The following MAMDC4 variants were observed in gnomAD, a reference collection of about 807,000 sequenced individuals.
MAMDC4 encodes the protein MAM domain containing 4.
MAMDC4 carries 168 observed loss-of-function variants against 153.3 expected under a neutral mutation model. The ratio of observed to expected loss-of-function variants is 1.10; its 90% confidence interval spans 0.97 to 1.25. MAMDC4 has a LOEUF of 1.25. MAMDC4 is among the 50% of genes most tolerant of loss of function. The pLI is 0.00. For synonymous variants in MAMDC4, 744 were observed against 651.5 expected, an observed-to-expected ratio of 1.14 and a Z score of -2.16; for missense variants, 1,701 against 1,542.8, an observed-to-expected ratio of 1.10 and a Z score of -1.72.
chr9:136,856,178 C>G, intron 14 of MAMDC4, 29 bp downstream of exon 14: 1 of 1,611,336 alleles, frequency 6.2e-7, no homozygotes, highest in Non-Finnish European at 8.5e-7. Flanking sequence ...AGTTCCCTGG[C>G]CAGCCCCTGG....
rs765596110 is a variant in MAMDC4 at position 136,853,343 on chromosome 9, C to A, written c.213C>A (p.Asp71Glu). Residue 71 changes from aspartate to glutamate, a missense_variant, in exon 3 of 27, where the codon GAC (aspartate) becomes GAA (glutamate). Physicochemically the swap from Asp to Glu is conservative, Grantham distance 45. Transcript: ENST00000317446. Reference protein sequence around the residue: ...GAPFACDFEQDPCGWRDISTS... With the variant: ...GAPFACDFEQEPCGWRDISTS... Reference sequence around the variant, plus strand: ...CCTTCGCCTGTGACTTCGAGCAGGACCCCTGCGGCTGGCGGGACATTAGTA... The same window carrying A: ...CCTTCGCCTGTGACTTCGAGCAGGAACCCTGCGGCTGGCGGGACATTAGTA... 5.1e-5 allele frequency: 82 copies of A among 1,607,030 alleles called. No homozygotes were observed. The Middle Eastern group carries it at 6.6e-4, about 13-fold the overall frequency.
At position 136,858,550 on chromosome 9, in the gene MAMDC4, C is replaced by A; in HGVS notation, c.2821+4C>A. The A allele has an allele frequency of 6.4e-7, 1 of 1,567,772 alleles. No individual in the cohort carries two copies. The highest frequency in any genetic ancestry group is 8.6e-7 in the Non-Finnish European group (1 of 1,157,698). The stretch of plus-strand genomic sequence containing the variant: ...CACACCCTGGGCACAGAGGCAGGTA[C>A]GTGCCCACTGGAGCCAGGTGGGGAG... On this transcript the variant is annotated splice_donor_region_variant and intron_variant, in intron 22 of 26. Transcript: ENST00000317446.
intron 14 of MAMDC4, chr9:136,856,418 G>A (rs768365316): frequency 1.3e-6 from 1 of 792,546 alleles, no homozygotes; most frequent in East Asian, 2.4e-5. Context: ...CTCCGCTGGA[G>A]CGGGCCCTGA....
chr9:136,854,298 A>C lies in MAMDC4; in HGVS notation c.758A>C (p.Asn253Thr). Residue 253 changes from asparagine to threonine, a missense_variant, in exon 7 of 27, where the codon AAC becomes ACC. By Grantham distance (65) the Asn-to-Thr change is moderately conservative. Coordinates refer to ENST00000317446, the MANE Select transcript of MAMDC4 (RefSeq NM_206920.3). Reference sequence around the variant, plus strand: ...CAGCAGCTGTGCGACGGGGAAGACAACTGCGGGGACCTGTCTGATGAGAAC... The same window carrying C: ...CAGCAGCTGTGCGACGGGGAAGACACCTGCGGGGACCTGTCTGATGAGAAC... Reference protein sequence around the residue: ...EPQQLCDGEDNCGDLSDENPL... With the variant: ...EPQQLCDGEDTCGDLSDENPL... 1 of 1,599,738 alleles carries C rather than the reference A, an allele frequency of 6.3e-7. No homozygotes were observed. Among genetic ancestry groups the C allele is most frequent in the Non-Finnish European group, 8.5e-7 (1 of 1,173,770 alleles).
intron 21 of MAMDC4, 40 bp from the exon 22 acceptor site, chr9:136,858,360 G>A (rs547335880): frequency 8.7e-6 from 14 of 1,600,210 alleles, no homozygotes; most frequent in East Asian, 6.7e-5. Flanking sequence ...CCAGGGCTTG[G>A]GCCGTGGGGC....
chr9:136,858,644 C>T (rs1849043062), intron 22 of MAMDC4, 75 bp from the exon 23 acceptor site: 1 of 1,596,802 alleles, frequency 6.3e-7, no homozygotes, highest in Non-Finnish European at 8.5e-7. Flanking sequence ...GGAGGCCCTG[C>T]TCACCGAGCC....
At position 136,855,459 on chromosome 9, in the gene MAMDC4, T is replaced by TGGGCCCC. The variant is rs1564386558; in HGVS notation, c.1319_1325dup (p.Ala443GlyfsTer36). 6 of 1,608,926 alleles carry TGGGCCCC rather than the reference T, an allele frequency of 3.7e-6. No homozygotes were observed. The highest frequency in any genetic ancestry group is 2.2e-5 in the East Asian group (1 of 44,790). ...TGTCCACCCTGCAGCCGCTGCCTCC[T>TGGGCCCC]GGGCCCCGGGCCCCAGCCCCCCAGC... On this transcript the variant is annotated frameshift_variant, in exon 12 of 27. Coordinates refer to ENST00000317446, the MANE Select transcript of MAMDC4 (RefSeq NM_206920.3). LOFTEE classifies it high-confidence loss of function.
At chr9:136,856,606 G>T in intron 14 of MAMDC4, 104 bp from the exon 15 acceptor site, 1 of 1,073,136 alleles carries the variant, frequency 9.3e-7, no homozygotes, top group Non-Finnish European at 1.5e-6. Context: ...CTCCCACCTG[G>T]GTGCTCCCCT....
In MAMDC4 at chr9:136,859,892, C is replaced by T; in HGVS notation, c.3200C>T (p.Thr1067Ile). Reference sequence around the variant, plus strand: ...ATGTCCCTATGGCCCACAGGGAACACAGCCGCACCCGGGTCTGTGCCAGCT... The same window carrying T: ...ATGTCCCTATGGCCCACAGGGAACATAGCCGCACCCGGGTCTGTGCCAGCT... The part of the protein sequence containing the change: ...CQQPAPSPGN[T>I]AAPGSVPAVV... The change falls in exon 26 of 27, where the codon ACA becomes ATA. Residue 1067 changes from threonine (T) to isoleucine (I), a missense_variant. By Grantham distance (89) the Thr-to-Ile change is moderately conservative (BLOSUM62 -1). Transcript: ENST00000317446. 1 of 1,611,750 alleles carries T rather than the reference C, an allele frequency of 6.2e-7. No homozygotes were observed. Among genetic ancestry groups the T allele is most frequent in the African/African-American group, 1.3e-5 (1 of 75,022 alleles).
chr9:136,855,991 G>A (rs766879576), intron 13 of MAMDC4, 27 bp from the exon 14 acceptor site: 18 of 1,598,882 alleles, frequency 1.1e-5, no homozygotes, highest in Non-Finnish European at 1.3e-5. Context: ...AAGGGATGAG[G>A]CTCTGAGCAC....
Position 136,854,865 on chromosome 9 carries a change from GCTCACAGGGC to G in MAMDC4, c.1023+19_1023+28del, listed in dbSNP as rs1848980269. Reference sequence around the variant, plus strand: ...CCAACTGCTCGGTGAGATGGGTGGGGCTCACAGGGCCTCCCTGCTCTCCGTGCTGGCTGCC... The same window carrying G: ...CCAACTGCTCGGTGAGATGGGTGGGGCTCCCTGCTCTCCGTGCTGGCTGCC... On this transcript the variant is annotated intron_variant, in intron 9 of 26. Transcript: ENST00000317446. 3 of 1,612,618 alleles carry G rather than the reference GCTCACAGGGC, an allele frequency of 1.9e-6. No individual in the cohort carries two copies. Among genetic ancestry groups the G allele is most frequent in the Non-Finnish European group, 2.5e-6 (3 of 1,179,812 alleles).
intron 14 of MAMDC4, 93 bp from the exon 15 acceptor site, chr9:136,856,617 T>A (rs376150937): frequency 1.6e-6 from 2 of 1,243,416 alleles, no homozygotes; most frequent in African/African-American, 3.0e-5. Flanking sequence ...GTGCTCCCCT[T>A]ACACTCCTCC....
chr9:136,853,388 C>A lies in MAMDC4; in HGVS notation c.258C>A (p.Leu86=). The A allele has an allele frequency of 6.2e-7, 1 of 1,606,014 alleles. No homozygotes were observed. The highest frequency in any genetic ancestry group is 8.5e-7 in the Non-Finnish European group (1 of 1,174,758). The change falls in exon 3 of 27, where the codon CTC becomes CTA. Residue 86 remains leucine (L), a synonymous_variant. Transcript: ENST00000317446. Reference sequence around the variant, plus strand: ...TTAGTACCTCAGGCTACAGCTGGCTCCGAGACAGGGCAGGGGCCGCACTGG... The same window carrying A: ...TTAGTACCTCAGGCTACAGCTGGCTACGAGACAGGGCAGGGGCCGCACTGG... ...RDISTSGYSW[L]RDRAGAALEG... is the part of the protein sequence containing the mutation.
chr9:136,852,375 C>A lies in MAMDC4; in HGVS notation c.-42C>A. 1 of 1,605,562 alleles carries A rather than the reference C, an allele frequency of 6.2e-7. No individual in the cohort carries two copies. Among genetic ancestry groups the A allele is most frequent in the East Asian group, 2.2e-5 (1 of 44,866 alleles). On this transcript the variant is annotated 5_prime_UTR_variant, in exon 1 of 27. Transcript: ENST00000317446. The stretch of plus-strand genomic sequence containing the variant: ...CAGGCTGATAACCGCACGGAACTTC[C>A]CAGGCACCCTGTGTGGCCGCACTGC...
chr9:136,857,443 GCTGGGCCCCTA>G lies in MAMDC4; in HGVS notation c.2184_2194del (p.Cys728Ter). The G allele has an allele frequency of 6.2e-7, 1 of 1,608,342 alleles. No individual in the cohort carries two copies. Among genetic ancestry groups the G allele is most frequent in the Non-Finnish European group, 8.5e-7 (1 of 1,179,904 alleles). ...GATGTGGCCGTGCGGCCGGGCCCCT[GCTGGGCCCCTA>G]ATTACTGCTCCTTTGAGGACTCAGA... On this transcript the variant is annotated stop_gained and frameshift_variant, in exon 18 of 27. Transcript: ENST00000317446. LOFTEE classifies it high-confidence loss of function.
At chr9:136,857,338 C>T (rs1849020344) in intron 17 of MAMDC4, 29 bp from the exon 18 acceptor site, 24 of 1,607,910 alleles carry the variant, frequency 1.5e-5, no homozygotes, top group Non-Finnish European at 2.0e-5. Flanking sequence ...GGGCAGGGCC[C>T]CTGGCCAGCT....
chr9:136,854,144 C>T, intron 6 of MAMDC4, 67 bp from the exon 7 acceptor site: 1 of 1,610,626 alleles, frequency 6.2e-7, no homozygotes, highest in Admixed American at 1.7e-5. Context: ...CTGCTCAGAC[C>T]CTGTCTGCCC....
At chr9:136,858,118 C>A in intron 20 of MAMDC4, 21 bp downstream of exon 20, 8 of 1,522,102 alleles carry the variant, frequency 5.3e-6, no homozygotes, top group Non-Finnish European at 7.1e-6. Flanking sequence ...GGTGGGGTGC[C>A]CCTCCCCCTC....
chr9:136,854,581 G>A lies in MAMDC4; in HGVS notation c.839G>A (p.Trp280Ter). The change falls in exon 8 of 27, where the codon TGG (tryptophan) becomes TAG (stop). Residue 280 changes from tryptophan to a stop codon, truncating the protein, a stop_gained. Transcript: ENST00000317446. LOFTEE classifies it high-confidence loss of function. ...ATDFETGLGP[W>*]NRSEGWSRNH... The stretch of plus-strand genomic sequence containing the variant: ...GACTTTGAGACAGGCCTGGGCCCAT[G>A]GAACCGCTCGGAAGGCTGGTCCCGG... 6.2e-7 allele frequency: 1 copy of A among 1,607,168 alleles called. No homozygotes were observed. The highest frequency in any genetic ancestry group is 8.5e-7 in the Non-Finnish European group (1 of 1,177,744).
Sources: allele counts gnomAD v4.1 joint callset, GRCh38; gene constraint gnomAD v4.1.1; transcripts MANE v1.5; gene names NCBI Gene and HGNC (gene_info 2026-07-23, HGNC 2026-07-21).